Variants in MACROD2 observed in about 807,000 individuals in gnomAD.
MACROD2 encodes the protein ADP-ribose glycohydrolase MACROD2.
A neutral mutation model predicts 70.4 loss-of-function variants in MACROD2; 36 were observed. The observed-to-expected ratio is 0.51, with a 90% CI of 0.39 to 0.68. The LOEUF is 0.68. Ranked by LOEUF, MACROD2 falls within the 30% of genes least tolerant of loss-of-function variation. The pLI, the probability that MACROD2 is intolerant of heterozygous loss-of-function variation, is 0.00. For missense variants in MACROD2, 496 were observed against 538.4 expected, an observed-to-expected ratio of 0.92 and a Z score of 0.78; for synonymous variants, 172 against 178.8, an observed-to-expected ratio of 0.96 and a Z score of 0.30.
intron 5 of MACROD2, among the ~76,000 whole-genome samples, chr20:14,896,650 A>T (rs1353972634): frequency 1.1e-5 from 1 of 94,274 alleles, no homozygotes; most frequent in Non-Finnish European, 2.4e-5. Context: ...GAGTTTCCAT[A>T]AAAAAAAAAA....
At chr20:15,551,477 C>G (rs2048096133) in intron 8 of MACROD2, among the ~76,000 whole-genome samples, 1 of 151,824 alleles carries the variant, frequency 6.6e-6, no homozygotes, top group African/African-American at 2.4e-5. Context: ...AGAGAAAAAA[C>G]ATGTACTAAA....
intron 7 of MACROD2, among the ~76,000 whole-genome samples, chr20:15,486,199 G>A (rs1299253426): frequency 6.6e-6 from 1 of 152,030 alleles, no homozygotes; most frequent in East Asian, 1.9e-4. Flanking sequence ...TCAAGTTCCA[G>A]GGGCAGAGAG....
At chr20:15,646,963 T>C (rs1001079173) in intron 8 of MACROD2, among the ~76,000 whole-genome samples, 1 of 152,234 alleles carries the variant, frequency 6.6e-6, no homozygotes, top group Admixed American at 6.5e-5. Flanking sequence ...GAACCCAGAC[T>C]GTTTGGCTCC....
chr20:15,505,974 A>G (rs2047421091), intron 8 of MACROD2, among the ~76,000 whole-genome samples: 1 of 152,138 alleles, frequency 6.6e-6, no homozygotes, highest in Non-Finnish European at 1.5e-5. Context: ...TCGGAGGGAA[A>G]CACAACACCT....
intron 3 of MACROD2, among the ~76,000 whole-genome samples, chr20:14,279,656 T>C (rs1601429937): frequency 6.6e-6 from 1 of 152,330 alleles, no homozygotes; most frequent in Admixed American, 6.5e-5. Flanking sequence ...AGGATTTGAA[T>C]GACAAAGTAT....
intron 4 of MACROD2, among the ~76,000 whole-genome samples, chr20:14,497,196 A>G (rs574566499): frequency 6.6e-6 from 1 of 151,934 alleles, no homozygotes; most frequent in South Asian, 2.1e-4. Flanking sequence ...CTCAAGATCT[A>G]CTGATAGCTT....
chr20:15,924,193 A>G (rs1488150991), intron 10 of MACROD2, among the ~76,000 whole-genome samples: 1 of 152,244 alleles, frequency 6.6e-6, no homozygotes, highest in Non-Finnish European at 1.5e-5. Flanking sequence ...AAGTATTTTA[A>G]AGGAAGAAAG....
intron 8 of MACROD2, among the ~76,000 whole-genome samples, chr20:15,671,235 A>C (rs981147529): frequency 1.3e-5 from 2 of 152,142 alleles, no homozygotes; most frequent in African/African-American, 2.4e-5. Context: ...GTGGTACCTC[A>C]GTTCCTAAAA....
intron 9 of MACROD2, among the ~76,000 whole-genome samples, chr20:15,885,174 A>C (rs2064806817): frequency 6.6e-6 from 1 of 152,148 alleles, no homozygotes; most frequent in South Asian, 2.1e-4. Flanking sequence ...GTGCAGAGGA[A>C]TCACATGTCC....
chr20:15,381,959 G>T (rs977295568), intron 6 of MACROD2, among the ~76,000 whole-genome samples: 2 of 152,150 alleles, frequency 1.3e-5, no homozygotes, highest in Non-Finnish European at 2.9e-5. Flanking sequence ...TTACTAAAGG[G>T]AATTCCAGGT....
chr20:15,881,122 G>C (rs1469608651), intron 9 of MACROD2, among the ~76,000 whole-genome samples: 2 of 152,114 alleles, frequency 1.3e-5, no homozygotes, highest in Admixed American at 6.6e-5. Flanking sequence ...ACACAAGGTA[G>C]AGCTCAAGAA....
chr20:14,449,115 G>GT (rs370812648), intron 3 of MACROD2, among the ~76,000 whole-genome samples: 1,980 of 150,360 alleles, frequency 0.013, 46 homozygotes, highest in African/African-American at 0.046. Flanking sequence ...AACTAAGAAG[G>GT]TTTTTTTTTC....
chr20:14,040,210 T>C (rs2053373167), intron 2 of MACROD2, among the ~76,000 whole-genome samples: 1 of 152,162 alleles, frequency 6.6e-6, no homozygotes. Context: ...TATAGCTACC[T>C]ATCACACACC....
intron 8 of MACROD2, among the ~76,000 whole-genome samples, chr20:15,587,930 G>A (rs2048624857): frequency 1.3e-5 from 2 of 152,184 alleles, no homozygotes; most frequent in African/African-American, 4.8e-5. Flanking sequence ...TCTGGAGGAT[G>A]GTGGCCCTCT....
intron 5 of MACROD2, among the ~76,000 whole-genome samples, chr20:15,087,372 T>C (rs1355855330): frequency 6.6e-6 from 1 of 151,956 alleles, no homozygotes; most frequent in Non-Finnish European, 1.5e-5. Flanking sequence ...AGTACACACA[T>C]CAGTGGAACA....
chr20:14,993,002 AT>A (rs766071156), intron 5 of MACROD2, among the ~76,000 whole-genome samples: 66 of 152,136 alleles, frequency 4.3e-4, no homozygotes, highest in Non-Finnish European at 7.6e-4. Flanking sequence ...ATGATCTTCC[AT>A]TGTATTCTGG....
intron 6 of MACROD2, among the ~76,000 whole-genome samples, chr20:15,372,600 A>C (rs2045508529): frequency 6.6e-6 from 1 of 152,148 alleles, no homozygotes; most frequent in African/African-American, 2.4e-5. Flanking sequence ...CATATTTGGT[A>C]TAATAATTAT....
At chr20:14,222,683 AAAAT>A (rs2081687351) in intron 3 of MACROD2, among the ~76,000 whole-genome samples, 1 of 152,188 alleles carries the variant, frequency 6.6e-6, no homozygotes, top group Non-Finnish European at 1.5e-5. Context: ...TAAAAAAAGT[AAAAT>A]AAAAGGTGGA....
intron 5 of MACROD2, among the ~76,000 whole-genome samples, chr20:14,796,910 C>T (rs2122125710): frequency 6.6e-6 from 1 of 152,076 alleles, no homozygotes; most frequent in South Asian, 2.1e-4. Context: ...ACATATAGAC[C>T]ACACTTTCTC....
Sources: allele counts gnomAD v4.1 joint callset (sites outside exome capture counted in the v4.1 genomes callset), GRCh38; gene constraint gnomAD v4.1.1; transcripts MANE v1.5; gene names NCBI Gene and HGNC (gene_info 2026-07-23, HGNC 2026-07-21).